FAM53B: variants seen among roughly 807,000 people sequenced by gnomAD.
FAM53B encodes family with sequence similarity 53 member B, also known as protein FAM53B.
In FAM53B, 12 loss-of-function variants were observed where a neutral mutation model predicts 32.7. That is an observed-to-expected ratio of 0.37 (90% CI 0.24 to 0.59). The LOEUF is 0.59. Among genes scored for constraint, FAM53B ranks in the 20% least tolerant of loss-of-function variants. The probability of loss-of-function intolerance (pLI) is 0.72; values close to 1 mark genes in which losing one functional copy is unlikely to be tolerated. For synonymous variants in FAM53B, 234 were observed against 228.7 expected, an observed-to-expected ratio of 1.02 and a Z score of -0.21; for missense variants, 477 against 577.7, an observed-to-expected ratio of 0.83 and a Z score of 1.79.
chr10:124,737,579 G>C (rs2629540), intron 1 of FAM53B, among the ~76,000 whole-genome samples: 28,203 of 152,096 alleles, frequency 0.19, 3,239 homozygotes, highest in Non-Finnish European at 0.25. Context: ...ACTGGCTACG[G>C]GACCCTGGGA....
chr10:124,698,941 C>T (rs1183758545), intron 2 of FAM53B, among the ~76,000 whole-genome samples: 4 of 152,208 alleles, frequency 2.6e-5, no homozygotes, highest in African/African-American at 9.7e-5. Flanking sequence ...CTTGCTCTGG[C>T]CCTCCCCTCC....
chr10:124,728,639 T>C (rs1950122822), intron 1 of FAM53B, among the ~76,000 whole-genome samples: 1 of 152,242 alleles, frequency 6.6e-6, no homozygotes, highest in South Asian at 2.1e-4. Flanking sequence ...ATGACTTCTA[T>C]GCAAGATATA....
intron 1 of FAM53B, among the ~76,000 whole-genome samples, chr10:124,709,450 C>CA (rs1411433260): frequency 2.0e-5 from 3 of 152,222 alleles, no homozygotes; most frequent in African/African-American, 7.2e-5. Context: ...ACTGGGTGGT[C>CA]AGCACACGTG....
At chr10:124,712,504 G>C (rs1950011085) in intron 1 of FAM53B, among the ~76,000 whole-genome samples, 1 of 152,152 alleles carries the variant, frequency 6.6e-6, no homozygotes, top group South Asian at 2.1e-4. Context: ...CTTTGCACAA[G>C]TAGCAATCGT....
chr10:124,662,279 C>T (rs969692049), intron 4 of FAM53B, among the ~76,000 whole-genome samples: 24 of 152,226 alleles, frequency 1.6e-4, no homozygotes, highest in Admixed American at 2.0e-4. Flanking sequence ...GCTACACAAA[C>T]GCTTAGCACA....
chr10:124,682,474 T>A lies in FAM53B; in HGVS notation c.134-95A>T. On this transcript the variant is annotated intron_variant, in intron 3 of 4. Coordinates refer to ENST00000337318, the MANE Select transcript of FAM53B (RefSeq NM_014661.4). This position sits in a 1 kb window ranked among gnomAD's most constrained non-coding sequence, Gnocchi z 5.2. ...CACCAACAGCCCGTTTCAAACACAG[T>A]ATCTTAGAGCCAAAAGGCCCTTAGA... is the stretch of plus-strand genomic sequence containing the variant. The A allele has an allele frequency of 8.8e-7, 1 of 1,135,956 alleles. No homozygotes were observed. The highest frequency in any genetic ancestry group is 1.2e-6 in the Non-Finnish European group (1 of 814,260). 70.4% of individuals were successfully genotyped at this position (1,135,956 alleles called of 1,614,324 possible). A position where few individuals can be genotyped will look rare whatever the true frequency, so the allele number is the denominator to read the frequency against.
chr10:124,638,450 T>C (rs996535302), intron 4 of FAM53B, among the ~76,000 whole-genome samples: 8 of 152,190 alleles, frequency 5.3e-5, no homozygotes, highest in African/African-American at 1.9e-4. Flanking sequence ...GTTTCTCTTT[T>C]CCCATCTGTA....
At chr10:124,661,165 C>A (rs771247897) in intron 4 of FAM53B, among the ~76,000 whole-genome samples, 1 of 151,908 alleles carries the variant, frequency 6.6e-6, no homozygotes, top group African/African-American at 2.4e-5. Context: ...GAAGACATGG[C>A]CATAACTGGA....
At chr10:124,714,733 T>G (rs1301011184) in intron 1 of FAM53B, among the ~76,000 whole-genome samples, 2 of 122,908 alleles carry the variant, frequency 1.6e-5, no homozygotes, top group Non-Finnish European at 3.1e-5. Flanking sequence ...CACTCCAGCC[T>G]GGGTGACAGA....
At chr10:124,705,858 G>A (rs1224098516) in intron 2 of FAM53B, among the ~76,000 whole-genome samples, 1 of 152,272 alleles carries the variant, frequency 6.6e-6, no homozygotes, top group Non-Finnish European at 1.5e-5. Context: ...GCCGTGAAGG[G>A]CGCCAGGAGG....
chr10:124,683,431 G>C (rs539414267), intron 3 of FAM53B, among the ~76,000 whole-genome samples: 1 of 152,212 alleles, frequency 6.6e-6, no homozygotes, highest in East Asian at 1.9e-4. Flanking sequence ...TGAATGGCTT[G>C]AGTCAGTCAA....
chr10:124,731,313 C>A (rs1312635876), intron 1 of FAM53B, among the ~76,000 whole-genome samples: 1 of 152,228 alleles, frequency 6.6e-6, no homozygotes, highest in Non-Finnish European at 1.5e-5. Flanking sequence ...TAAGTAGGCA[C>A]TATTATTCCC....
rs370099213 is a variant in FAM53B at position 124,640,000 on chromosome 10, C to T, written c.907-16396G>A. Among the ~76,000 whole-genome samples the T allele has an allele frequency of 6.9e-4, 105 of 152,192 alleles. 3 individuals are homozygous for T. In the South Asian group the frequency reaches 0.021, roughly 31 times the overall value. ...GCACCCACCCTTAACCACCACGCTG[C>T]ACCTCACTGCTACCATAAAATACCA... On this transcript the variant is annotated intron_variant, in intron 4 of 4. Transcript: ENST00000337318.
At chr10:124,628,082 G>C (rs930478876) in intron 4 of FAM53B, among the ~76,000 whole-genome samples, 10 of 152,208 alleles carry the variant, frequency 6.6e-5, no homozygotes, top group Non-Finnish European at 1.2e-4. Flanking sequence ...AGGTGCTGCT[G>C]TTCCTGGGCC....
At chr10:124,671,633 G>A (rs1182118270) in intron 4 of FAM53B, among the ~76,000 whole-genome samples, 1 of 152,210 alleles carries the variant, frequency 6.6e-6, no homozygotes, top group Non-Finnish European at 1.5e-5. Context: ...TGCAGTCTGT[G>A]GCCCTTCAGG....
chr10:124,720,036 G>A (rs889453763), intron 1 of FAM53B, among the ~76,000 whole-genome samples: 2 of 151,918 alleles, frequency 1.3e-5, no homozygotes, highest in African/African-American at 2.4e-5. Flanking sequence ...GGTGGCGGGC[G>A]CCTGTAATCC....
intron 3 of FAM53B, among the ~76,000 whole-genome samples, chr10:124,694,511 T>C (rs1165958809): frequency 6.6e-6 from 1 of 152,184 alleles, no homozygotes; most frequent in Non-Finnish European, 1.5e-5. Context: ...GTGCAAAGAC[T>C]AGAAATCCTT....
intron 1 of FAM53B, among the ~76,000 whole-genome samples, chr10:124,730,831 T>C (rs117490970): frequency 0.011 from 1,675 of 152,338 alleles, 23 homozygotes; most frequent in Middle Eastern, 0.02. Flanking sequence ...AGAGTATTCA[T>C]GTGGAGAAGA....
intron 4 of FAM53B, among the ~76,000 whole-genome samples, chr10:124,665,986 G>A (rs903170044): frequency 6.6e-6 from 1 of 152,220 alleles, no homozygotes; most frequent in East Asian, 1.9e-4. Context: ...TAAGGATGGG[G>A]TCTTGTACAC....
Sources: allele counts gnomAD v4.1 joint callset (sites outside exome capture counted in the v4.1 genomes callset), GRCh38; gene constraint gnomAD v4.1.1; non-coding constraint Gnocchi (gnomAD v3.1); transcripts MANE v1.5; gene names NCBI Gene and HGNC (gene_info 2026-07-23, HGNC 2026-07-21).